Variants in MYLK4 observed in about 807,000 individuals in gnomAD.
MYLK4 encodes caMLCK like.
MYLK4 carries 46 observed loss-of-function variants against 48.1 expected under a neutral mutation model. That is an observed-to-expected ratio of 0.96 (90% CI 0.75 to 1.22). The LOEUF (loss-of-function observed/expected upper bound fraction) is 1.22, where lower values mean the gene tolerates loss of function less well. MYLK4 is among the 50% of genes most tolerant of loss of function. MYLK4 has a pLI of 0.00. For synonymous variants in MYLK4, 170 were observed against 180.8 expected, an observed-to-expected ratio of 0.94 and a Z score of 0.48; for missense variants, 451 against 486.1, an observed-to-expected ratio of 0.93 and a Z score of 0.68.
intron 2 of MYLK4, among the ~76,000 whole-genome samples, chr6:2,740,472 C>CGCCCGGG (rs1316444180): frequency 2.0e-5 from 3 of 152,206 alleles, no homozygotes; most frequent in Admixed American, 1.3e-4. Flanking sequence ...GTGGAGATGG[C>CGCCCGGG]GCCCGGGGAA....
At chr6:2,769,969 C>T in the MYLK4 span, 10 of 1,114,850 alleles carry the variant, frequency 9.0e-6, no homozygotes, top group East Asian at 4.8e-5. Flanking sequence ...CCAAATATTG[C>T]ATCTATATTC....
rs190546093 is a variant in MYLK4, at chr6:2,744,167, G to A, written c.159+4969C>T. On this transcript the variant is annotated intron_variant, in intron 2 of 12. Transcript: ENST00000274643. ...AGTGGGTGTCACCGAATTACAGAGGGTTCTTGCAGAGTCCTGCACTGGACG... is the reference window on the plus strand; with the variant it reads ...AGTGGGTGTCACCGAATTACAGAGGATTCTTGCAGAGTCCTGCACTGGACG... The A allele has an allele frequency of 7.3e-5, 29 of 397,236 alleles. No homozygotes were observed. The Admixed American group carries it at 1.3e-3, about 18-fold the overall frequency. The allele number at this position is 397,236 out of a possible 1,614,324, so 24.6% of individuals were successfully genotyped here. A position where few individuals can be genotyped will look rare whatever the true frequency, so the allele number is the denominator to read the frequency against.
chr6:2,675,389 G>A lies in MYLK4; in HGVS notation c.1041-264C>T, dbSNP rs1240196328. Reference sequence around the variant, plus strand: ...ACTGAACATTTACTTTCAAATATAAGTAACCATTTCTGTAGTATAACATCT... The same window carrying A: ...ACTGAACATTTACTTTCAAATATAAATAACCATTTCTGTAGTATAACATCT... On this transcript the variant is annotated intron_variant, in intron 10 of 12. Transcript: ENST00000274643. 1.3e-5 allele frequency among the ~76,000 whole-genome samples: 2 copies of A among 152,126 alleles called. 1 individual carries two copies. Among genetic ancestry groups the A allele is most frequent in the African/African-American group, 4.8e-5 (2 of 41,412 alleles).
rs1486054605 is a variant in MYLK4 at position 2,672,213 on chromosome 6, C to A, written c.1120-865G>T. 6.6e-6 allele frequency among the ~76,000 whole-genome samples: 1 copy of A among 152,054 alleles called. No homozygotes were observed. Among genetic ancestry groups the A allele is most frequent in the Non-Finnish European group, 1.5e-5 (1 of 68,004 alleles). ...TTTGTGTCGTGTTCCTTCCTCTGGC[C>A]CCAGAACCCTGGCTAATTCTGCAGT... On this transcript the variant is annotated intron_variant, in intron 11 of 12. Coordinates refer to ENST00000274643, the MANE Select transcript of MYLK4 (RefSeq NM_001012418.5). The surrounding 1 kb of genome is among the most constrained non-coding windows in gnomAD (Gnocchi z 4.3).
chr6:2,711,014 C>G (rs1368990034), intron 2 of MYLK4, among the ~76,000 whole-genome samples: 1 of 152,148 alleles, frequency 6.6e-6, no homozygotes, highest in Non-Finnish European at 1.5e-5. Flanking sequence ...GAGTGTTTTC[C>G]TGAGTGGGAG....
chr6:2,681,024 C>T (rs1761278869), intron 7 of MYLK4, among the ~76,000 whole-genome samples: 1 of 152,110 alleles, frequency 6.6e-6, no homozygotes. Context: ...CTTACAAGTG[C>T]ACCTAATGTT....
chr6:2,769,701 TTGAG>T, the MYLK4 span, among the ~76,000 whole-genome samples: 2 of 152,122 alleles, frequency 1.3e-5, no homozygotes, highest in Admixed American at 6.5e-5. Context: ...AATAATATGA[TTGAG>T]TGCTTGCTGT....
chr6:2,744,359 T>C (rs1021387605), intron 2 of MYLK4, among the ~76,000 whole-genome samples: 1 of 152,242 alleles, frequency 6.6e-6, no homozygotes, highest in African/African-American at 2.4e-5. Flanking sequence ...TTAGCACCAC[T>C]GTATCTGGCA....
At chr6:2,724,570 A>G (rs546763378) in intron 2 of MYLK4, among the ~76,000 whole-genome samples, 27 of 152,348 alleles carry the variant, frequency 1.8e-4, no homozygotes, top group Non-Finnish European at 3.7e-4. Context: ...AGTTAAAATC[A>G]CACTACAGAA....
At chr6:2,675,473 G>A (rs1015955883) in intron 10 of MYLK4, among the ~76,000 whole-genome samples, 6 of 152,136 alleles carry the variant, frequency 3.9e-5, no homozygotes, top group African/African-American at 1.4e-4. Context: ...ATTTATTATT[G>A]TAAGAACAAA....
At chr6:2,680,399 C>CCT in intron 7 of MYLK4, 108 bp from the exon 8 acceptor site, 1 of 1,574,892 alleles carries the variant, frequency 6.3e-7, no homozygotes, top group Non-Finnish European at 8.6e-7. Flanking sequence ...ACATATCAGG[C>CCT]CTTTCACTTC....
At chr6:2,701,904 T>G (rs1013228050) in intron 2 of MYLK4, among the ~76,000 whole-genome samples, 1 of 152,198 alleles carries the variant, frequency 6.6e-6, no homozygotes, top group African/African-American at 2.4e-5. Flanking sequence ...CGAAGAATCA[T>G]TTTACAAAAT....
chr6:2,769,269 TAAAC>T, the MYLK4 span, among the ~76,000 whole-genome samples: 25 of 152,172 alleles, frequency 1.6e-4, no homozygotes, highest in Non-Finnish European at 2.5e-4. Flanking sequence ...TTTTGAAAAT[TAAAC>T]AATCGGTATT....
At chr6:2,722,002 CA>C (rs993609803) in intron 2 of MYLK4, among the ~76,000 whole-genome samples, 30 of 152,324 alleles carry the variant, frequency 2.0e-4, no homozygotes, top group African/African-American at 6.7e-4. Flanking sequence ...GACATCTAAA[CA>C]GGGAGTAAAA....
At chr6:2,721,800 A>G (rs1763078792) in intron 2 of MYLK4, among the ~76,000 whole-genome samples, 3 of 152,242 alleles carry the variant, frequency 2.0e-5, no homozygotes, top group South Asian at 2.1e-4. Context: ...GAGAGAAAAT[A>G]TAGGCCACAC....
chr6:2,749,213 T>G lies in MYLK4; in HGVS notation c.82A>C (p.Arg28=). ...QLEKMAFFQC[R]EEVEKVKCFL... ...CACTTCACTTTCTCCACCTCTTCCC[T>G]GCACTGAAAAAAGGCCATTTTCTCC... The change falls in exon 2 of 13, where the codon AGG becomes CGG. Residue 28 remains arginine (R), a synonymous_variant. Coordinates refer to ENST00000274643, the MANE Select transcript of MYLK4 (RefSeq NM_001012418.5). 6.2e-7 allele frequency: 1 copy of G among 1,614,090 alleles called. No homozygotes were observed. Among genetic ancestry groups the G allele is most frequent in the Non-Finnish European group, 8.5e-7 (1 of 1,179,946 alleles).
intron 2 of MYLK4, among the ~76,000 whole-genome samples, chr6:2,732,325 C>T (rs1271581241): frequency 2.6e-5 from 4 of 152,102 alleles, no homozygotes; most frequent in African/African-American, 9.7e-5. Context: ...TGGCGCTAAC[C>T]CCATATTTCA....
Position 2,667,440 on chromosome 6 carries a change from A to C in MYLK4, c.*485T>G, listed in dbSNP as rs1362278169. The C allele has an allele frequency of 1.3e-5, 2 of 152,264 alleles. No individual in the cohort carries two copies. The highest frequency in any genetic ancestry group is 3.9e-4 in the East Asian group (2 of 5,188). The allele number at this position is 152,264 out of a possible 1,614,324, so 9.4% of individuals were successfully genotyped here. A position where few individuals can be genotyped will look rare whatever the true frequency, so the allele number is the denominator to read the frequency against. ...AACTAAGTCTCCAAGGGTGCATGGG[A>C]GTCAGAATTCTTTCTGGCCATCTAA... On this transcript the variant is annotated 3_prime_UTR_variant, in exon 13 of 13. Transcript: ENST00000274643.
At chr6:2,724,247 CAT>C (rs1194601858) in intron 2 of MYLK4, among the ~76,000 whole-genome samples, 1 of 152,202 alleles carries the variant, frequency 6.6e-6, no homozygotes, top group Admixed American at 6.5e-5. Context: ...GGGCGATACA[CAT>C]AGAGGACTTT....
Sources: allele counts gnomAD v4.1 joint callset (sites outside exome capture counted in the v4.1 genomes callset), GRCh38; gene constraint gnomAD v4.1.1; non-coding constraint Gnocchi (gnomAD v3.1); transcripts MANE v1.5; gene names NCBI Gene and HGNC (gene_info 2026-07-23, HGNC 2026-07-21).